Variants in KAZN observed in about 807,000 individuals in gnomAD.
The protein encoded by KAZN is kazrin, periplakin interacting protein.
KAZN carries 40 observed loss-of-function variants against 87.4 expected under a neutral mutation model. The ratio of observed to expected loss-of-function variants is 0.46; its 90% CI spans 0.36 to 0.60. The LOEUF (loss-of-function observed/expected upper bound fraction) is 0.60. KAZN is among the 20% of genes least tolerant of loss of function. KAZN has a pLI of 0.00. For synonymous variants in KAZN, 466 were observed against 458.3 expected (o/e 1.02, Z -0.22); for missense variants, 898 against 1,073.9 (o/e 0.84, Z 2.29).
At chr1:14,925,975 A>G (rs147837778) in intron 1 of KAZN, among the ~76,000 whole-genome samples, 4 of 152,354 alleles carry the variant, frequency 2.6e-5, no homozygotes, top group African/African-American at 9.6e-5. Context: ...ACCCATCTGT[A>G]CAGTGGAAAT....
rs113600200 is a variant in KAZN at position 13,995,219 on chromosome 1, C to CAA, written c.91+101478_91+101479dup. Reference sequence around the variant, plus strand: ...GGAAGTCTTAGACAGTGCAATAAGGCAAAAAAAAAAAAAAAATCCTAATGA... The same window carrying CAA: ...GGAAGTCTTAGACAGTGCAATAAGGCAAAAAAAAAAAAAAAAAATCCTAATGA... On this transcript the variant is annotated intron_variant, in intron 1 of 16. Transcript: ENST00000636203. Among the ~76,000 whole-genome samples the CAA allele has an allele frequency of 7.0e-3, 749 of 107,340 alleles. 6 individuals are homozygous for CAA. Among genetic ancestry groups the CAA allele is most frequent in the African/African-American group, 0.013 (410 of 31,322 alleles). 70.4% of individuals were successfully genotyped at this position (107,340 alleles called of 152,430 possible).
chr1:14,304,546 T>G, intron 2 of KAZN: 1 of 398,162 alleles, frequency 2.5e-6, no homozygotes, highest in Non-Finnish European at 4.4e-6. Flanking sequence ...GGAAGTTTGG[T>G]CTATTTCTTG....
intron 2 of KAZN, among the ~76,000 whole-genome samples, chr1:14,280,264 T>TA (rs1416146983): frequency 6.9e-6 from 1 of 144,336 alleles, no homozygotes; most frequent in African/African-American, 2.6e-5. Flanking sequence ...CAGGAGGCTG[T>TA]GGCAGGAGAA....
chr1:14,169,670 C>T (rs1570927378), intron 1 of KAZN, among the ~76,000 whole-genome samples: 1 of 152,178 alleles, frequency 6.6e-6, no homozygotes, highest in Non-Finnish European at 1.5e-5. Flanking sequence ...GCTGGAGGCT[C>T]ATACGGGAAT....
chr1:14,919,384 C>T (rs1658246137), intron 1 of KAZN, among the ~76,000 whole-genome samples: 1 of 152,224 alleles, frequency 6.6e-6, no homozygotes, highest in African/African-American at 2.4e-5. Flanking sequence ...ACCATGTTGG[C>T]CAGGCTGGTC....
chr1:14,047,120 C>T (rs897373008), intron 1 of KAZN, among the ~76,000 whole-genome samples: 5 of 152,166 alleles, frequency 3.3e-5, no homozygotes, highest in African/African-American at 9.7e-5. Flanking sequence ...ATTTGGGCAT[C>T]GATCCATTTT....
intron 1 of KAZN, among the ~76,000 whole-genome samples, chr1:13,948,787 A>T (rs1160988550): frequency 6.6e-6 from 1 of 152,098 alleles, no homozygotes; most frequent in Non-Finnish European, 1.5e-5. Flanking sequence ...TTCTCCTCAG[A>T]AGTATTGCTG....
chr1:14,061,855 AAG>A (rs371514277), intron 1 of KAZN, among the ~76,000 whole-genome samples: 121 of 152,276 alleles, frequency 7.9e-4, no homozygotes, highest in African/African-American at 2.6e-3. Context: ...CGGACACAAA[AAG>A]AGAGAATTCG....
At chr1:14,453,665 A>G (rs770804301) in intron 2 of KAZN, among the ~76,000 whole-genome samples, 2 of 152,054 alleles carry the variant, frequency 1.3e-5, no homozygotes, top group Non-Finnish European at 2.9e-5. Flanking sequence ...GCAAAACCCC[A>G]TCTCTACTAA....
intron 1 of KAZN, among the ~76,000 whole-genome samples, chr1:14,682,666 A>C (rs966533954): frequency 6.6e-6 from 1 of 151,048 alleles, no homozygotes; most frequent in African/African-American, 2.4e-5. Flanking sequence ...TTTTTAATGG[A>C]AAAAAAAATG....
intron 2 of KAZN, among the ~76,000 whole-genome samples, chr1:14,419,830 G>C (rs369564870): frequency 6.6e-6 from 1 of 152,226 alleles, no homozygotes; most frequent in East Asian, 1.9e-4. Flanking sequence ...CGCTGGTCTC[G>C]GAAGTGAAGC....
intron 2 of KAZN, among the ~76,000 whole-genome samples, chr1:14,253,938 A>G (rs1650273598): frequency 8.8e-6 from 1 of 113,836 alleles, no homozygotes; most frequent in Admixed American, 1.3e-4. Context: ...GCGAGACGTG[A>G]CATTCTGTAA....
chr1:14,378,009 C>A (rs958165876), intron 2 of KAZN, among the ~76,000 whole-genome samples: 1 of 152,168 alleles, frequency 6.6e-6, no homozygotes, highest in Admixed American at 6.5e-5. Context: ...GTAGGCCAAC[C>A]ATTGCTGGAG....
At chr1:14,222,026 G>C (rs531153173) in intron 2 of KAZN, 2 of 152,208 alleles carry the variant, frequency 1.3e-5, no homozygotes, top group East Asian at 3.9e-4. Flanking sequence ...TTTATAAGCT[G>C]GTTGCTTTCT....
At chr1:14,708,291 G>A (rs1642315820) in intron 1 of KAZN, among the ~76,000 whole-genome samples, 1 of 152,186 alleles carries the variant, frequency 6.6e-6, no homozygotes. Flanking sequence ...TCACTCTGAA[G>A]TTCCAGTAAG....
At chr1:13,973,954 A>G (rs1304775128) in intron 1 of KAZN, among the ~76,000 whole-genome samples, 2 of 152,246 alleles carry the variant, frequency 1.3e-5, no homozygotes, top group Admixed American at 1.3e-4. Context: ...GCATATCGTC[A>G]TACTCACAGC....
intron 1 of KAZN, among the ~76,000 whole-genome samples, chr1:14,852,700 T>C (rs371129315): frequency 4.3e-4 from 65 of 152,314 alleles, no homozygotes; most frequent in African/African-American, 1.6e-3. Flanking sequence ...GACTTTGAAA[T>C]GGGGCAAGAG....
chr1:13,964,858 G>T (rs927036415), intron 1 of KAZN, among the ~76,000 whole-genome samples: 5 of 152,192 alleles, frequency 3.3e-5, no homozygotes, highest in South Asian at 4.1e-4. Flanking sequence ...AAGGGTGCAG[G>T]TCGCAGCATT....
At chr1:14,036,686 T>G (rs754062258) in intron 1 of KAZN, among the ~76,000 whole-genome samples, 5 of 151,986 alleles carry the variant, frequency 3.3e-5, no homozygotes, top group African/African-American at 1.2e-4. Context: ...TAGAATAGAA[T>G]AGGAGTAAAA....
Sources: allele counts gnomAD v4.1 joint callset (sites outside exome capture counted in the v4.1 genomes callset), GRCh38; gene constraint gnomAD v4.1.1; transcripts MANE v1.5; gene names NCBI Gene and HGNC (gene_info 2026-07-23, HGNC 2026-07-21).